The following CHD2 variants were observed in gnomAD, a reference collection of about 807,000 sequenced individuals.
CHD2 encodes the protein ATP-dependent chromatin remodeler CHD2.
In CHD2, 28 loss-of-function variants were observed where a neutral mutation model predicts 243.9. The observed-to-expected ratio is 0.11, with a 90% CI of 0.09 to 0.16. The LOEUF (loss-of-function observed/expected upper bound fraction) is 0.16. Among genes scored for constraint, CHD2 ranks in the 10% least tolerant of loss-of-function variants. The pLI is 1.00. For synonymous variants in CHD2, 775 were observed against 779.0 expected, an observed-to-expected ratio of 0.99 and a Z score of 0.09; for missense variants, 1,386 against 2,209.8, an observed-to-expected ratio of 0.63 and a Z score of 7.47.
chr15:92,948,815 G>A (rs1449412514), intron 12 of CHD2, 137 bp from the exon 13 acceptor site: 2 of 915,698 alleles, frequency 2.2e-6, no homozygotes, highest in Admixed American at 5.5e-5. Flanking sequence ...CTCCAGCCTG[G>A]GTGACAGAGC....
intron 2 of CHD2, among the ~76,000 whole-genome samples, chr15:92,915,476 G>A (rs1331438445): frequency 1.3e-5 from 2 of 152,044 alleles, no homozygotes; most frequent in African/African-American, 2.4e-5. Context: ...GTGTTTCACC[G>A]TGTTAGCCAG....
At chr15:92,917,041 T>C (rs2052852395) in intron 2 of CHD2, among the ~76,000 whole-genome samples, 3 of 152,260 alleles carry the variant, frequency 2.0e-5, no homozygotes, top group Admixed American at 2.0e-4. Context: ...GCGTATCCAT[T>C]TTCTTTGTGC....
At chr15:92,936,513 C>G (rs536376786) in intron 5 of CHD2, among the ~76,000 whole-genome samples, 2 of 152,244 alleles carry the variant, frequency 1.3e-5, no homozygotes, top group East Asian at 1.9e-4. Context: ...TAAACTAAAA[C>G]TGTTTGGGAT....
Position 92,984,352 on chromosome 15 carries a change from A to G in CHD2, c.3089A>G (p.Glu1030Gly). 1 of 1,585,244 alleles carries G rather than the reference A, an allele frequency of 6.3e-7. No homozygotes were observed. Residue 1030 changes from glutamate to glycine, a missense_variant, in exon 25 of 39, where the codon GAA becomes GGA. Coordinates refer to ENST00000394196, the MANE Select transcript of CHD2 (RefSeq NM_001271.4). ...AAGGTTGCCAACTTTGCAACAATGG[A>G]AGATGAAGAAGAGCTAGAAGAGCGT... is the stretch of plus-strand genomic sequence containing the variant. ...QFKVANFATM[E>G]DEEELEERPH...
chr15:92,996,036 A>G (rs1246879732), intron 28 of CHD2, among the ~76,000 whole-genome samples: 5 of 152,062 alleles, frequency 3.3e-5, no homozygotes, highest in Non-Finnish European at 2.9e-5. Flanking sequence ...CCCATTTTCT[A>G]TTGAAAGGAG....
chr15:93,006,003 A>G (rs2054315461), intron 34 of CHD2, among the ~76,000 whole-genome samples: 2 of 152,286 alleles, frequency 1.3e-5, no homozygotes. Context: ...GGGATATAAT[A>G]GTCATTGATA....
At chr15:92,924,686 G>C in intron 3 of CHD2, 134 bp downstream of exon 3, 1 of 679,242 alleles carries the variant, frequency 1.5e-6, no homozygotes, top group Non-Finnish European at 2.6e-6. Flanking sequence ...ATATACAGTA[G>C]TATATCTGAG....
chr15:93,000,361 A>G (rs2141871485), intron 31 of CHD2, 151 bp from the exon 32 acceptor site: 1 of 741,162 alleles, frequency 1.3e-6, no homozygotes, highest in African/African-American at 1.8e-5. Flanking sequence ...TGGTCTTGTG[A>G]GGTAAAATGA....
chr15:92,911,169 ATTGT>A (rs2052727527), intron 2 of CHD2, among the ~76,000 whole-genome samples: 1 of 152,204 alleles, frequency 6.6e-6, no homozygotes, highest in Non-Finnish European at 1.5e-5. Flanking sequence ...ATTGTGAGAG[ATTGT>A]TTCAGTGAAA....
chr15:92,981,388 G>A lies in CHD2; in HGVS notation c.2997G>A (p.Leu999=), dbSNP rs1396912499. ...EPQEMDIDEI[L]RLAETRENEV... ...AGGAAATGGATATAGATGAAATTTT[G>A]CGGTTGGCTGAAACGAGAGAGAATG... Residue 999 remains leucine (L), a synonymous_variant, in exon 24 of 39, where the codon TTG becomes TTA. Transcript: ENST00000394196. 5.6e-6 allele frequency: 9 copies of A among 1,613,452 alleles called. No individual in the cohort carries two copies. The highest frequency in any genetic ancestry group is 1.3e-5 in the African/African-American group (1 of 74,912).
intron 16 of CHD2, among the ~76,000 whole-genome samples, chr15:92,961,736 T>A (rs1292014646): frequency 2.0e-5 from 3 of 152,158 alleles, no homozygotes; most frequent in Admixed American, 1.3e-4. Flanking sequence ...TCAATAGTGA[T>A]TAAAGTTAAT....
intron 2 of CHD2, among the ~76,000 whole-genome samples, chr15:92,916,307 A>G (rs145522801): frequency 9.2e-5 from 14 of 152,304 alleles, no homozygotes; most frequent in African/African-American, 2.6e-4. Flanking sequence ...TTCTAAATTG[A>G]TTGAGCTCTG....
intron 20 of CHD2, chr15:92,978,006 A>C: frequency 2.0e-6 from 1 of 505,492 alleles, no homozygotes; most frequent in Non-Finnish European, 3.6e-6. Context: ...CCATTGCCTT[A>C]TTAGAGTCTA....
intron 2 of CHD2, among the ~76,000 whole-genome samples, chr15:92,922,148 T>C (rs1026879868): frequency 6.6e-6 from 1 of 152,120 alleles, no homozygotes; most frequent in African/African-American, 2.4e-5. Flanking sequence ...TGGCCCCCTA[T>C]GGTAAAATAG....
intron 12 of CHD2, among the ~76,000 whole-genome samples, chr15:92,947,750 G>A (rs1169690199): frequency 6.6e-6 from 1 of 152,176 alleles, no homozygotes; most frequent in Non-Finnish European, 1.5e-5. Flanking sequence ...TTTGGTAGGA[G>A]TGGATGGATG....
intron 21 of CHD2, 47 bp from the exon 22 acceptor site, chr15:92,979,088 G>A (rs1020027599): frequency 1.9e-6 from 3 of 1,594,146 alleles, no homozygotes; most frequent in East Asian, 2.2e-5. Context: ...TTTTGGGGGG[G>A]TTGGGGGGTG....
chr15:92,952,416 T>C (rs1417337574), intron 13 of CHD2, among the ~76,000 whole-genome samples: 1 of 152,198 alleles, frequency 6.6e-6, no homozygotes, highest in Non-Finnish European at 1.5e-5. Flanking sequence ...TACTATATAA[T>C]GTAGAATCAG....
At chr15:93,010,670 C>T (rs541321826) in intron 35 of CHD2, among the ~76,000 whole-genome samples, 17 of 152,280 alleles carry the variant, frequency 1.1e-4, no homozygotes, top group African/African-American at 3.6e-4. Context: ...GTGATCCGCC[C>T]GCCTTGACCT....
intron 17 of CHD2, among the ~76,000 whole-genome samples, chr15:92,971,112 A>G (rs1400907164): frequency 6.6e-6 from 1 of 152,162 alleles, no homozygotes; most frequent in Non-Finnish European, 1.5e-5. Context: ...CAATTTTTAT[A>G]TTTCAGTGAA....
Sources: allele counts gnomAD v4.1 joint callset (sites outside exome capture counted in the v4.1 genomes callset), GRCh38; gene constraint gnomAD v4.1.1; transcripts MANE v1.5; gene names NCBI Gene and HGNC (gene_info 2026-07-23, HGNC 2026-07-21).